The following PCLO variants were observed in gnomAD, a reference collection of about 807,000 sequenced individuals.
PCLO encodes piccolo presynaptic cytomatrix protein, also known as protein piccolo.
A neutral mutation model predicts 427.5 loss-of-function variants in PCLO; 82 were observed. That is an observed-to-expected ratio of 0.19 (90% CI 0.16 to 0.23). The LOEUF (loss-of-function observed/expected upper bound fraction) is 0.23. PCLO is among the 10% of genes least tolerant of loss of function. The pLI is 1.00. For synonymous variants in PCLO, 2,357 were observed against 2,155.4 expected (o/e 1.09, Z -2.59); for missense variants, 6,239 against 6,115.9 (o/e 1.02, Z -0.67).
chr7:82,941,040 G>C (rs940293441), intron 6 of PCLO, among the ~76,000 whole-genome samples: 1 of 151,384 alleles, frequency 6.6e-6, no homozygotes, highest in Non-Finnish European at 1.5e-5. Context: ...GGGATTACAG[G>C]TTTGAGCCAC....
At position 83,134,446 on chromosome 7, in the gene PCLO, G is replaced by A. The variant is rs779246634; in HGVS notation, c.3104C>T (p.Ser1035Phe). 6.2e-7 allele frequency: 1 copy of A among 1,613,844 alleles called. No individual in the cohort carries two copies. The highest frequency in any genetic ancestry group is 2.2e-5 in the East Asian group (1 of 44,862). The stretch of plus-strand genomic sequence containing the variant: ...AGCCTTTTGAGGCTCAGCTGTTAAA[G>A]ATTTGCTATCCTTAATAGGTGGTGG... ...KKPPPIKDSK[S>F]LTAEPQKAVL... The change falls in exon 3 of 25, where the codon TCT (serine) becomes TTT (phenylalanine). Residue 1035 changes from serine to phenylalanine, a missense_variant. Coordinates refer to ENST00000333891, the MANE Select transcript of PCLO (RefSeq NM_033026.6).
At chr7:83,139,409 C>A (rs1401556657) in intron 2 of PCLO, among the ~76,000 whole-genome samples, 1 of 151,984 alleles carries the variant, frequency 6.6e-6, no homozygotes, top group East Asian at 1.9e-4. Flanking sequence ...GCCAGTATGC[C>A]CTAACATTAT....
At chr7:82,825,434 C>G (rs939378557) in intron 18 of PCLO, among the ~76,000 whole-genome samples, 2 of 151,940 alleles carry the variant, frequency 1.3e-5, no homozygotes, top group African/African-American at 4.8e-5. Context: ...AGGTAAGGGT[C>G]AAATGCTCCA....
chr7:82,824,112 TTAAG>T (rs1449280127), intron 19 of PCLO, 120 bp downstream of exon 19: 27 of 625,408 alleles, frequency 4.3e-5, no homozygotes, highest in Non-Finnish European at 7.0e-5. Context: ...TGACATTATA[TTAAG>T]TATTTTCCAG....
At chr7:82,923,647 T>C (rs1048531742) in intron 6 of PCLO, among the ~76,000 whole-genome samples, 1 of 152,084 alleles carries the variant, frequency 6.6e-6, no homozygotes, top group East Asian at 1.9e-4. Context: ...TTAATTACAA[T>C]GTTGCACTCC....
At chr7:82,945,438 C>T (rs540458534) in intron 6 of PCLO, among the ~76,000 whole-genome samples, 68 of 152,200 alleles carry the variant, frequency 4.5e-4, no homozygotes, top group Non-Finnish European at 6.8e-4. Flanking sequence ...CCCTTGATAT[C>T]TCAAAATGTG....
At chr7:82,940,177 C>CAGTTG (rs1159696687) in intron 6 of PCLO, among the ~76,000 whole-genome samples, 2 of 152,104 alleles carry the variant, frequency 1.3e-5, no homozygotes. Context: ...GATTGGTGTG[C>CAGTTG]AGTTGAGTGA....
At position 82,951,145 on chromosome 7, in the gene PCLO, C is replaced by A. The variant is rs1410744997; in HGVS notation, c.9443G>T (p.Gly3148Val). Residue 3148 changes from glycine (G) to valine (V), a missense_variant, in exon 6 of 25, where the codon GGT becomes GTT. By Grantham distance (109) the Gly-to-Val change is moderately radical. This residue lies in a region of PCLO where 4,677 missense variants were observed against 4,468.4 expected (regional missense o/e 1.05). Transcript: ENST00000333891. Reference protein sequence around the residue: ...PMPRSYFITTGASETDIAVTG... With the variant: ...PMPRSYFITTVASETDIAVTG... ...TACTGCAATGTCCGTTTCAGATGCACCTGTTGTTATAAAATATGATCTAGG... is the reference window on the plus strand; with the variant it reads ...TACTGCAATGTCCGTTTCAGATGCAACTGTTGTTATAAAATATGATCTAGG... The A allele has an allele frequency of 1.2e-6, 2 of 1,613,696 alleles. No individual in the cohort carries two copies. Among genetic ancestry groups the A allele is most frequent in the Non-Finnish European group, 1.7e-6 (2 of 1,179,726 alleles).
chr7:82,953,441 C>G lies in PCLO; in HGVS notation c.7512G>C (p.Glu2504Asp). Reference sequence around the variant, plus strand: ...TGGGGGCGATTGGAGGTTTGCTTGGCTCAGGCCTGTGGGTAAATACAAGTC... The same window carrying G: ...TGGGGGCGATTGGAGGTTTGCTTGGGTCAGGCCTGTGGGTAAATACAAGTC... ...PSGLVFTHRP[E>D]PSKPPIAPKP... The change falls in exon 5 of 25, where the codon GAG becomes GAC. Residue 2504 changes from glutamate to aspartate, a missense_variant. This residue lies in a region of PCLO where 4,677 missense variants were observed against 4,468.4 expected (regional missense o/e 1.05). Transcript: ENST00000333891. 6.2e-7 allele frequency: 1 copy of G among 1,613,444 alleles called. No homozygotes were observed. Among genetic ancestry groups the G allele is most frequent in the Non-Finnish European group, 8.5e-7 (1 of 1,179,810 alleles).
intron 3 of PCLO, among the ~76,000 whole-genome samples, chr7:83,048,487 G>A (rs1038432369): frequency 4.0e-5 from 6 of 151,828 alleles, no homozygotes; most frequent in Admixed American, 2.6e-4. Context: ...GGTTAATTGC[G>A]GTTTCATCCA....
intron 3 of PCLO, among the ~76,000 whole-genome samples, chr7:83,034,660 A>G (rs1788752212): frequency 6.6e-6 from 1 of 152,204 alleles, no homozygotes; most frequent in Non-Finnish European, 1.5e-5. Context: ...TCTTGTGCAC[A>G]TGCTGTATTG....
chr7:82,947,318 T>A (rs1018251363), intron 6 of PCLO, among the ~76,000 whole-genome samples: 4 of 152,174 alleles, frequency 2.6e-5, no homozygotes, highest in African/African-American at 7.2e-5. Context: ...GTAAGTTTTT[T>A]AAATCTTACT....
In PCLO at chr7:83,056,625, C is replaced by T. The variant is rs181747685; in HGVS notation, c.3300+77625G>A. 3.7e-4 allele frequency among the ~76,000 whole-genome samples: 57 copies of T among 152,136 alleles called. 1 individual carries two copies. In the East Asian group the frequency reaches 0.01, roughly 27 times the overall value. On this transcript the variant is annotated intron_variant, in intron 3 of 24. Coordinates refer to ENST00000333891, the MANE Select transcript of PCLO (RefSeq NM_033026.6). The stretch of plus-strand genomic sequence containing the variant: ...ATATTCTGAGGTTATTTCGAATATC[C>T]TTAAAAGATTACTTTAATCTCCAAA...
chr7:83,102,735 CTCTT>C (rs1790766078), intron 3 of PCLO, among the ~76,000 whole-genome samples: 1 of 151,638 alleles, frequency 6.6e-6, no homozygotes, highest in African/African-American at 2.4e-5. Flanking sequence ...AAAAATAAAA[CTCTT>C]GATTTTTTAT....
chr7:83,128,710 A>G (rs936706296), intron 3 of PCLO, among the ~76,000 whole-genome samples: 1 of 152,148 alleles, frequency 6.6e-6, no homozygotes, highest in Non-Finnish European at 1.5e-5. Flanking sequence ...CTTTGCATGC[A>G]TTGGAAAGAA....
intron 22 of PCLO, among the ~76,000 whole-genome samples, chr7:82,788,366 AAAT>A (rs1384883795): frequency 1.3e-5 from 2 of 151,078 alleles, no homozygotes; most frequent in South Asian, 2.1e-4. Flanking sequence ...TTAAAAACCA[AAAT>A]AATAACTCAG....
At chr7:82,939,309 T>C (rs1411771706) in intron 6 of PCLO, among the ~76,000 whole-genome samples, 1 of 152,100 alleles carries the variant, frequency 6.6e-6, no homozygotes, top group Non-Finnish European at 1.5e-5. Context: ...AATGATTAAA[T>C]AATTACCTAT....
intron 3 of PCLO, among the ~76,000 whole-genome samples, chr7:83,043,710 C>G (rs1470454580): frequency 6.6e-6 from 1 of 152,116 alleles, no homozygotes; most frequent in Non-Finnish European, 1.5e-5. Flanking sequence ...CTCAAAGCTT[C>G]TGACAGCAAC....
At chr7:83,162,050 G>A (rs1193007538) in intron 1 of PCLO, among the ~76,000 whole-genome samples, 1 of 152,212 alleles carries the variant, frequency 6.6e-6, no homozygotes, top group African/African-American at 2.4e-5. Context: ...AAACACTGGA[G>A]GGCGTCTCTC....
Sources: gnomAD v4.1 joint callset for allele counts (sites outside exome capture counted in the v4.1 genomes callset) on GRCh38, gnomAD v4.1.1 for gene constraint, gnomAD v4.1.1 regional missense constraint, MANE v1.5 for transcripts, NCBI Gene and HGNC (gene_info 2026-07-23, HGNC 2026-07-21) for gene names.